Variants in SBF2 observed in about 807,000 individuals in gnomAD.
SBF2 encodes SET binding factor 2, also known as myotubularin-related protein 13.
In SBF2, 112 loss-of-function variants were observed where a neutral mutation model predicts 225.2. The ratio of observed to expected loss-of-function variants is 0.50; its 90% CI spans 0.43 to 0.58. The LOEUF (loss-of-function observed/expected upper bound fraction) is 0.58, where lower values mean the gene tolerates loss of function less well. Ranked by LOEUF, SBF2 falls within the 20% of genes least tolerant of loss-of-function variation. SBF2 has a pLI of 0.00. For missense variants in SBF2, 1,996 were observed against 2,206.2 expected (o/e 0.90, Z 1.91); for synonymous variants, 763 against 773.3 (o/e 0.99, Z 0.22).
intron 1 of SBF2, among the ~76,000 whole-genome samples, chr11:10,249,645 C>T (rs1261101872): frequency 2.0e-5 from 3 of 151,904 alleles, no homozygotes; most frequent in Non-Finnish European, 4.4e-5. Flanking sequence ...TAATAAGCTT[C>T]CCCAAATCAA....
chr11:9,832,171 T>C lies in SBF2; in HGVS notation c.3652+53A>G. 13 of 1,506,324 alleles carry C rather than the reference T, an allele frequency of 8.6e-6. No individual in the cohort carries two copies. The South Asian group carries it at 1.4e-4, about 16-fold the overall frequency. The allele number at this position is 1,506,324 out of a possible 1,614,324, so 93.3% of individuals were successfully genotyped here. A position where few individuals can be genotyped will look rare whatever the true frequency, so the allele number is the denominator to read the frequency against. On this transcript the variant is annotated intron_variant, in intron 27 of 39. Coordinates refer to ENST00000256190, the MANE Select transcript of SBF2 (RefSeq NM_030962.4). ...TCCCAGATTTTACTTCCTTTATTTT[T>C]AGCACTGTCCTTATGTGAACGGGTG...
intron 2 of SBF2, among the ~76,000 whole-genome samples, chr11:10,051,367 T>C (rs1302451568): frequency 6.6e-6 from 1 of 152,152 alleles, no homozygotes; most frequent in African/African-American, 2.4e-5. Flanking sequence ...CTCATAAATA[T>C]GTTAGTTTAC....
At chr11:9,834,848 G>A (rs1363008214) in intron 26 of SBF2, among the ~76,000 whole-genome samples, 1 of 152,170 alleles carries the variant, frequency 6.6e-6, no homozygotes, top group Non-Finnish European at 1.5e-5. Context: ...TAAAGAACGA[G>A]CACACTCCTT....
intron 19 of SBF2, among the ~76,000 whole-genome samples, chr11:9,854,706 C>G (rs1469866404): frequency 6.6e-6 from 1 of 152,144 alleles, no homozygotes; most frequent in Non-Finnish European, 1.5e-5. Context: ...GATTCTCCAG[C>G]CTCAGCCTCT....
At chr11:10,179,628 C>A (rs2076177361) in intron 2 of SBF2, among the ~76,000 whole-genome samples, 1 of 152,116 alleles carries the variant, frequency 6.6e-6, no homozygotes, top group Non-Finnish European at 1.5e-5. Context: ...ATTGAAGTCT[C>A]CAGCTATTAT....
intron 1 of SBF2, among the ~76,000 whole-genome samples, chr11:10,299,310 C>T (rs1174295076): frequency 7.1e-6 from 1 of 140,890 alleles, no homozygotes; most frequent in Non-Finnish European, 1.5e-5. Flanking sequence ...TGCACTCCAG[C>T]CTGGGCAACA....
chr11:9,962,770 A>G (rs943237228), intron 15 of SBF2, among the ~76,000 whole-genome samples: 1 of 152,192 alleles, frequency 6.6e-6, no homozygotes, highest in African/African-American at 2.4e-5. Context: ...TAATAAGCTT[A>G]TTTAGCTAAA....
chr11:9,789,329 T>A lies in SBF2; in HGVS notation c.4712A>T (p.Asn1571Ile), dbSNP rs371960255. ...CTTCTTGAGGCTAGAGACGTTTACA[T>A]TGGGCTTTAGAGCCTGTTAAAGAAA... ...SPLEIEALKP[N>I]VNVSSLKKWD... Residue 1571 changes from asparagine to isoleucine, a missense_variant, in exon 35 of 40, where the codon AAT becomes ATT. Coordinates refer to ENST00000256190, the MANE Select transcript of SBF2 (RefSeq NM_030962.4). 6.2e-7 allele frequency: 1 copy of A among 1,613,724 alleles called. No homozygotes were observed. The highest frequency in any genetic ancestry group is 8.5e-7 in the Non-Finnish European group (1 of 1,179,638).
At chr11:10,226,437 G>C (rs908329419) in intron 1 of SBF2, among the ~76,000 whole-genome samples, 4 of 151,700 alleles carry the variant, frequency 2.6e-5, no homozygotes, top group Non-Finnish European at 4.4e-5. Context: ...CCATCAACTC[G>C]TCATTTAGCA....
intron 7 of SBF2, among the ~76,000 whole-genome samples, chr11:10,001,819 C>T (rs1453058383): frequency 2.6e-5 from 4 of 151,974 alleles, no homozygotes; most frequent in African/African-American, 7.3e-5. Flanking sequence ...AGCCACTGCG[C>T]CTGGCCAAAA....
intron 31 of SBF2, chr11:9,808,697 G>T: frequency 2.0e-6 from 1 of 493,504 alleles, no homozygotes; most frequent in Non-Finnish European, 3.7e-6. Context: ...AGAGCTTGAT[G>T]CCCGGAGCCA....
At chr11:10,017,945 A>G (rs539507946) in intron 6 of SBF2, among the ~76,000 whole-genome samples, 24 of 152,128 alleles carry the variant, frequency 1.6e-4, no homozygotes, top group Middle Eastern at 3.4e-3. Context: ...GATTTTTCCA[A>G]CCTTCAATGA....
chr11:10,000,274 C>T (rs774132616), intron 8 of SBF2, among the ~76,000 whole-genome samples: 34 of 152,140 alleles, frequency 2.2e-4, no homozygotes, highest in Non-Finnish European at 2.9e-4. Flanking sequence ...CAGATTATTA[C>T]CTGAGAAAAT....
chr11:10,067,922 TAAAAC>T (rs751584736), intron 2 of SBF2, among the ~76,000 whole-genome samples: 98 of 151,918 alleles, frequency 6.5e-4, no homozygotes, highest in Non-Finnish European at 1.2e-3. Context: ...AACAGACAAA[TAAAAC>T]AAAACACAGA....
intron 31 of SBF2, 24 bp from the exon 32 acceptor site, chr11:9,808,209 GTCATTAATTTTAGT>G: frequency 1.9e-6 from 3 of 1,606,020 alleles, no homozygotes; most frequent in Non-Finnish European, 2.6e-6. Flanking sequence ...AGGATGGATT[GTCATTAATTTTAGT>G]TCTGAAAAAG....
At chr11:9,891,285 T>G (rs1454920570) in intron 17 of SBF2, among the ~76,000 whole-genome samples, 2 of 152,206 alleles carry the variant, frequency 1.3e-5, no homozygotes, top group Non-Finnish European at 2.9e-5. Context: ...TTATTTTCCT[T>G]CTAAAAAAGT....
chr11:10,243,953 C>T (rs7112413), intron 1 of SBF2, among the ~76,000 whole-genome samples: 29,906 of 152,088 alleles, frequency 0.2, 3,118 homozygotes, highest in Middle Eastern at 0.26. Context: ...ATAAGGACAG[C>T]ATCAACCTGA....
chr11:10,146,096 A>T (rs1015444125), intron 2 of SBF2, among the ~76,000 whole-genome samples: 7 of 152,220 alleles, frequency 4.6e-5, no homozygotes, highest in African/African-American at 1.7e-4. Context: ...AATGGAAAAA[A>T]CATTCCATGC....
Position 9,853,654 on chromosome 11 carries a change from T to C in SBF2, c.2422A>G (p.Asn808Asp). Residue 808 changes from asparagine (N) to aspartate (D), a missense_variant, in exon 20 of 40, where the codon AAT becomes GAT. Physicochemically the swap from Asn to Asp is conservative, Grantham distance 23. Coordinates refer to ENST00000256190, the MANE Select transcript of SBF2 (RefSeq NM_030962.4). ...DTESGFEDSE[N>D]TDIANSVVRF... ...ACAACAGAATTGGCAATGTCAGTAT[T>C]CTCTGAATCTTCAAACCCACTCTCT... is the stretch of plus-strand genomic sequence containing the variant. 1.2e-6 allele frequency: 2 copies of C among 1,614,004 alleles called. No homozygotes were observed. The highest frequency in any genetic ancestry group is 1.7e-6 in the Non-Finnish European group (2 of 1,179,898).
Sources: allele counts gnomAD v4.1 joint callset (sites outside exome capture counted in the v4.1 genomes callset), GRCh38; gene constraint gnomAD v4.1.1; transcripts MANE v1.5; gene names NCBI Gene and HGNC (gene_info 2026-07-23, HGNC 2026-07-21).